COX7C: variants seen among roughly 807,000 people sequenced by gnomAD.
The protein encoded by COX7C is cytochrome c oxidase subunit 7C, mitochondrial.
Under a neutral mutation model 6.4 loss-of-function variants are expected in COX7C, and 1 was observed. The ratio of observed to expected loss-of-function variants is 0.16; its 90% CI spans 0.06 to 0.74. COX7C has a LOEUF of 0.74. Among genes scored for constraint, COX7C ranks in the 30% least tolerant of loss-of-function variants. The pLI, the probability that COX7C is intolerant of heterozygous loss-of-function variation, is 0.78. For synonymous variants in COX7C, 24 were observed against 28.9 expected, an observed-to-expected ratio of 0.83 and a Z score of 0.54; for missense variants, 54 against 73.7, an observed-to-expected ratio of 0.73 and a Z score of 0.98.
Position 86,619,564 on chromosome 5 carries a change from A to G in COX7C, c.*27+68A>G, listed in dbSNP as rs1170938216. ...TTAAGTAGCCTCTTCCCCATCACCC[A>G]GAACACACACACAAATACATTGTTG... is the stretch of plus-strand genomic sequence containing the variant. On this transcript the variant is annotated intron_variant, in intron 2 of 2. Coordinates refer to ENST00000247655, the MANE Select transcript of COX7C (RefSeq NM_001867.3). 12 of 793,568 alleles carry G rather than the reference A, an allele frequency of 1.5e-5. No homozygotes were observed. The East Asian group carries it at 2.9e-4, about 19-fold the overall frequency. 49.2% of individuals were successfully genotyped at this position (793,568 alleles called of 1,614,324 possible).
rs763171210 is a variant in COX7C, at chr5:86,618,014, G to A, written c.-42G>A. ...TTGGTGAGGTGCCGCCATTTCATCT[G>A]TCCTCATTCTCTGCGCCTTTCGCAG... On this transcript the variant is annotated 5_prime_UTR_variant, in exon 1 of 3. Coordinates refer to ENST00000247655, the MANE Select transcript of COX7C (RefSeq NM_001867.3). 6.2e-7 allele frequency: 1 copy of A among 1,601,230 alleles called. No individual in the cohort carries two copies. The highest frequency in any genetic ancestry group is 2.2e-5 in the East Asian group (1 of 44,794).
At chr5:86,618,640 G>A (rs13167616) in intron 1 of COX7C, among the ~76,000 whole-genome samples, 2 of 152,052 alleles carry the variant, frequency 1.3e-5, no homozygotes, top group African/African-American at 4.8e-5. Context: ...AGGGTCACAC[G>A]AGGCCTAGTC....
At position 86,618,336 on chromosome 5, in the gene COX7C, TC is replaced by T. The variant is rs1750041580; in HGVS notation, c.75+208del. On this transcript the variant is annotated intron_variant, in intron 1 of 2. Transcript: ENST00000247655. ...GCCGCTAAAGGAATGGGCAGGTAGA[TC>T]CGGAAGCCCTGCCTCCATCAGCCAC... is the stretch of plus-strand genomic sequence containing the variant. 5 of 550,582 alleles carry T rather than the reference TC, an allele frequency of 9.1e-6. No individual in the cohort carries two copies. The East Asian group carries it at 1.3e-4, about 14-fold the overall frequency. 34.1% of individuals were successfully genotyped at this position (550,582 alleles called of 1,614,324 possible).
At chr5:86,618,621 C>T (rs1000465045) in intron 1 of COX7C, among the ~76,000 whole-genome samples, 2 of 152,058 alleles carry the variant, frequency 1.3e-5, no homozygotes, top group Non-Finnish European at 2.9e-5. Flanking sequence ...ATAGCAGTAA[C>T]AATCTCGGAG....
chr5:86,619,910 A>G (rs1750086158), intron 2 of COX7C: 1 of 159,250 alleles, frequency 6.3e-6, no homozygotes, highest in African/African-American at 2.4e-5. Context: ...ATGTTACTCT[A>G]TCTTGAACAC....
At chr5:86,619,907 T>C (rs957157628) in intron 2 of COX7C, 7 of 161,384 alleles carry the variant, frequency 4.3e-5, no homozygotes, top group Admixed American at 3.5e-4. Flanking sequence ...TTAATGTTAC[T>C]CTATCTTGAA....
intron 1 of COX7C, 131 bp downstream of exon 1, chr5:86,618,261 AT>A: frequency 1.2e-6 from 1 of 812,098 alleles, no homozygotes; most frequent in Non-Finnish European, 2.1e-6. Context: ...GCAGACTAGC[AT>A]TCCACTTAGC....
Position 86,619,668 on chromosome 5 carries a change from A to G in COX7C, c.*27+172A>G, listed in dbSNP as rs1012732247. On this transcript the variant is annotated intron_variant, in intron 2 of 2. Coordinates refer to ENST00000247655, the MANE Select transcript of COX7C (RefSeq NM_001867.3). Reference sequence around the variant, plus strand: ...TGTAAACCTATATAAAAATATTTCAATAATGGCCAGTGTTTATTGAATACT... The same window carrying G: ...TGTAAACCTATATAAAAATATTTCAGTAATGGCCAGTGTTTATTGAATACT... 8 of 511,300 alleles carry G rather than the reference A, an allele frequency of 1.6e-5. 1 individual carries two copies. The South Asian group carries it at 1.6e-4, about 10-fold the overall frequency. 31.7% of individuals were successfully genotyped at this position (511,300 alleles called of 1,614,324 possible). A position where few individuals can be genotyped will look rare whatever the true frequency, so the allele number is the denominator to read the frequency against.
At chr5:86,619,519 T>C (rs768240719) in intron 2 of COX7C, 23 bp downstream of exon 2, 3 of 1,239,698 alleles carry the variant, frequency 2.4e-6, no homozygotes, top group South Asian at 1.2e-5. Flanking sequence ...TTTCTAATCA[T>C]GTTAAAGCAG....
chr5:86,619,548 C>T (rs976150894), intron 2 of COX7C, 52 bp downstream of exon 2: 9 of 891,034 alleles, frequency 1.0e-5, no homozygotes, highest in Non-Finnish European at 1.1e-5. Context: ...ATTAAGTAGC[C>T]TCTTCCCCAT....
At chr5:86,619,051 T>C (rs1750063226) in intron 1 of COX7C, among the ~76,000 whole-genome samples, 1 of 152,120 alleles carries the variant, frequency 6.6e-6, no homozygotes, top group African/African-American at 2.4e-5. Context: ...AGGTGACTAC[T>C]TAGGACAGTA....
rs1221108807 is a variant in COX7C at position 86,619,374 on chromosome 5, AACAAGTGGTC to A, written c.98_107del (p.Asn33SerfsTer3). 1 of 1,612,628 alleles carries A rather than the reference AACAAGTGGTC, an allele frequency of 6.2e-7. No individual in the cohort carries two copies. Among genetic ancestry groups the A allele is most frequent in the Admixed American group, 1.7e-5 (1 of 59,996 alleles). On this transcript the variant is annotated frameshift_variant, in exon 2 of 3. Transcript: ENST00000247655. LOFTEE classifies it high-confidence loss of function. The stretch of plus-strand genomic sequence containing the variant: ...ACAGAATTTGCCATTTTCAGTGGAA[AACAAGTGGTC>A]GTTACTAGCTAAGATGTGTTTGTAC...
intron 2 of COX7C, 29 bp downstream of exon 2, chr5:86,619,525 A>G: frequency 1.7e-6 from 2 of 1,171,390 alleles, no homozygotes; most frequent in Admixed American, 3.4e-5. Flanking sequence ...ATCATGTTAA[A>G]GCAGGCCTTT....
intron 2 of COX7C, 67 bp downstream of exon 2, chr5:86,619,563 CAGAA>C (rs1467646713): frequency 1.3e-6 from 1 of 793,176 alleles, no homozygotes; most frequent in Non-Finnish European, 2.2e-6. Flanking sequence ...CCCCATCACC[CAGAA>C]CACACACACA....
chr5:86,618,175 G>C, intron 1 of COX7C, 45 bp downstream of exon 1: 2 of 1,590,554 alleles, frequency 1.3e-6, no homozygotes, highest in African/African-American at 1.3e-5. Context: ...GGGGGCGCTT[G>C]GCTGTGACTC....
intron 1 of COX7C, 180 bp downstream of exon 1, chr5:86,618,310 A>G: frequency 1.6e-6 from 1 of 612,474 alleles, no homozygotes; most frequent in Non-Finnish European, 2.9e-6. Flanking sequence ...CCTAGCGCGT[A>G]GCCGCTAAAG....
intron 2 of COX7C, 138 bp from the exon 3 acceptor site, chr5:86,620,530 A>G (rs1198858268): frequency 3.4e-6 from 1 of 292,482 alleles, no homozygotes; most frequent in Admixed American, 3.5e-5. Flanking sequence ...GCAAATCAGT[A>G]TGAATGAATT....
chr5:86,619,535 T>C, intron 2 of COX7C, 39 bp downstream of exon 2: 1 of 1,018,708 alleles, frequency 9.8e-7, no homozygotes. Flanking sequence ...AGCAGGCCTT[T>C]TTATTAAGTA....
chr5:86,618,243 G>A (rs1347155620), intron 1 of COX7C, 113 bp downstream of exon 1: 2 of 944,112 alleles, frequency 2.1e-6, no homozygotes, highest in East Asian at 2.5e-5. Flanking sequence ...CAGAAACCAG[G>A]CTGAGACGCA....
Sources: gnomAD v4.1 joint callset for allele counts (sites outside exome capture counted in the v4.1 genomes callset) on GRCh38, gnomAD v4.1.1 for gene constraint, MANE v1.5 for transcripts, NCBI Gene and HGNC (gene_info 2026-07-23, HGNC 2026-07-21) for gene names.